Variants in FSTL5 observed in about 807,000 individuals in gnomAD.
The protein encoded by FSTL5 is follistatin like 5.
Under a neutral mutation model 89.1 loss-of-function variants are expected in FSTL5, and 62 were observed. The observed-to-expected ratio is 0.70, with a 90% CI of 0.57 to 0.86. The LOEUF is 0.86. FSTL5 is among the 40% of genes least tolerant of loss of function. The pLI, the probability that FSTL5 is intolerant of heterozygous loss-of-function variation, is 0.00. For missense variants in FSTL5, 1,057 were observed against 1,001.6 expected (o/e 1.06, Z -0.75); for synonymous variants, 383 against 346.2 (o/e 1.11, Z -1.18).
chr4:161,958,868 T>G (rs1233944574), intron 3 of FSTL5, among the ~76,000 whole-genome samples: 1 of 152,190 alleles, frequency 6.6e-6, no homozygotes, highest in Admixed American at 6.6e-5. Flanking sequence ...TGGTATTTTT[T>G]GCTGTGTAGT....
chr4:161,808,736 A>C (rs1049324365), intron 4 of FSTL5, among the ~76,000 whole-genome samples: 3 of 152,172 alleles, frequency 2.0e-5, no homozygotes, highest in African/African-American at 7.2e-5. Flanking sequence ...AAATATTTGC[A>C]AATCATTTCT....
chr4:161,474,706 T>C (rs913100227), intron 13 of FSTL5, among the ~76,000 whole-genome samples: 6 of 152,030 alleles, frequency 3.9e-5, no homozygotes, highest in African/African-American at 1.2e-4. Context: ...CCACCACGCC[T>C]GGCTAATTTT....
chr4:161,611,142 C>CTA (rs1560978133), intron 7 of FSTL5, among the ~76,000 whole-genome samples: 3 of 134,632 alleles, frequency 2.2e-5, no homozygotes, highest in African/African-American at 5.5e-5. Flanking sequence ...ATATATGTAT[C>CTA]TATATATATG....
chr4:161,707,321 C>A (rs1244056332), intron 6 of FSTL5, among the ~76,000 whole-genome samples: 1 of 151,698 alleles, frequency 6.6e-6, no homozygotes, highest in Non-Finnish European at 1.5e-5. Context: ...ACAAGATATG[C>A]ACTATTGAGA....
At chr4:161,556,985 A>C (rs1732416950) in intron 8 of FSTL5, among the ~76,000 whole-genome samples, 1 of 151,286 alleles carries the variant, frequency 6.6e-6, no homozygotes, top group Non-Finnish European at 1.5e-5. Context: ...TCCTAATTTC[A>C]GAATGAGCTT....
chr4:161,858,884 C>A (rs748995440), intron 4 of FSTL5, among the ~76,000 whole-genome samples: 14 of 152,140 alleles, frequency 9.2e-5, no homozygotes, highest in Non-Finnish European at 1.3e-4. Flanking sequence ...ATTTATGTAT[C>A]TTGCATTCTC....
intron 4 of FSTL5, among the ~76,000 whole-genome samples, chr4:161,848,493 A>C (rs1731447445): frequency 6.6e-6 from 1 of 152,190 alleles, no homozygotes; most frequent in Non-Finnish European, 1.5e-5. Context: ...ACAGTGCTTA[A>C]AGAATTCTTA....
At chr4:161,805,390 G>A (rs1045198605) in intron 4 of FSTL5, among the ~76,000 whole-genome samples, 12 of 152,074 alleles carry the variant, frequency 7.9e-5, no homozygotes, top group Non-Finnish European at 7.4e-5. Flanking sequence ...GAAAACCACT[G>A]AAGCATTTCA....
At chr4:161,712,467 G>A (rs902283557) in intron 6 of FSTL5, among the ~76,000 whole-genome samples, 7 of 152,222 alleles carry the variant, frequency 4.6e-5, no homozygotes, top group African/African-American at 7.2e-5. Context: ...ACAAAATGAG[G>A]AAGGTCTTAT....
intron 2 of FSTL5, among the ~76,000 whole-genome samples, chr4:162,040,505 G>T (rs1043853794): frequency 2.0e-5 from 3 of 151,908 alleles, no homozygotes; most frequent in African/African-American, 7.3e-5. Flanking sequence ...TATTTTGGCG[G>T]TGGCAATTAA....
intron 2 of FSTL5, among the ~76,000 whole-genome samples, chr4:162,058,272 G>A (rs1362539045): frequency 6.6e-6 from 1 of 151,968 alleles, no homozygotes; most frequent in East Asian, 1.9e-4. Flanking sequence ...GCTAGAATGG[G>A]AATAGAAGGT....
chr4:161,661,532 T>C (rs1736710681), intron 6 of FSTL5, among the ~76,000 whole-genome samples: 1 of 152,132 alleles, frequency 6.6e-6, no homozygotes, highest in African/African-American at 2.4e-5. Context: ...AATTAGTTAT[T>C]CTCATATAAG....
At chr4:161,423,294 A>C (rs1732049796) in intron 15 of FSTL5, among the ~76,000 whole-genome samples, 1 of 152,234 alleles carries the variant, frequency 6.6e-6, no homozygotes, top group African/African-American at 2.4e-5. Flanking sequence ...TCCTGGAAAT[A>C]GTCTTCTAAA....
At chr4:161,754,167 T>C (rs1740498081) in intron 6 of FSTL5, among the ~76,000 whole-genome samples, 1 of 151,910 alleles carries the variant, frequency 6.6e-6, no homozygotes, top group Non-Finnish European at 1.5e-5. Context: ...CATAGTTACC[T>C]CTTTTAAAGA....
intron 3 of FSTL5, among the ~76,000 whole-genome samples, chr4:161,959,935 G>A (rs359512): frequency 0.58 from 88,459 of 151,842 alleles, 26,171 homozygotes; most frequent in Non-Finnish European, 0.61. Flanking sequence ...TCCTATTCCT[G>A]TCAAGACATA....
At chr4:161,533,480 G>A (rs917864906) in intron 10 of FSTL5, among the ~76,000 whole-genome samples, 5 of 152,052 alleles carry the variant, frequency 3.3e-5, no homozygotes, top group African/African-American at 1.2e-4. Flanking sequence ...AAGATGAAAC[G>A]TATAAATTCT....
At chr4:161,681,297 T>C (rs922891657) in intron 6 of FSTL5, among the ~76,000 whole-genome samples, 1 of 152,098 alleles carries the variant, frequency 6.6e-6, no homozygotes, top group African/African-American at 2.4e-5. Context: ...AAGAAAAAAC[T>C]ACATCACTGA....
rs1485660778 is a variant in FSTL5 at position 161,641,507 on chromosome 4, TTG to T, written c.894+14819_894+14820del. On this transcript the variant is annotated intron_variant, in intron 7 of 15. Transcript: ENST00000306100. ...AATTAGAGGGTTTTTTTGTTTTGTTTTGTTTTTTTTTTTGAGACTCTGTTGCC... is the reference window on the plus strand; with the variant it reads ...AATTAGAGGGTTTTTTTGTTTTGTTTTTTTTTTTTTTGAGACTCTGTTGCC... Among the ~76,000 whole-genome samples, 9 of 149,554 alleles carry T rather than the reference TTG, an allele frequency of 6.0e-5. 1 individual carries two copies. The highest frequency in any genetic ancestry group is 6.0e-5 in the Non-Finnish European group (4 of 67,198).
intron 3 of FSTL5, among the ~76,000 whole-genome samples, chr4:161,943,392 T>TG: frequency 6.6e-6 from 1 of 151,874 alleles, no homozygotes; most frequent in South Asian, 2.1e-4. Flanking sequence ...ATAATATGAT[T>TG]AATTATGAAT....
Sources: gnomAD v4.1 joint callset for allele counts (sites outside exome capture counted in the v4.1 genomes callset) on GRCh38, gnomAD v4.1.1 for gene constraint, MANE v1.5 for transcripts, NCBI Gene and HGNC (gene_info 2026-07-23, HGNC 2026-07-21) for gene names.